DLGAP2: variants seen among roughly 807,000 people sequenced by gnomAD.
DLGAP2 encodes the protein disks large-associated protein 2.
DLGAP2 carries 26 observed loss-of-function variants against 100.3 expected under a neutral mutation model. That is an observed-to-expected ratio of 0.26 (90% confidence interval 0.19 to 0.36). The LOEUF (loss-of-function observed/expected upper bound fraction) is 0.36. Ranked by LOEUF, DLGAP2 falls within the 10% of genes least tolerant of loss-of-function variation. The pLI is 1.00. For synonymous variants in DLGAP2, 886 were observed against 630.1 expected (o/e 1.41, Z -6.08); for missense variants, 1,858 against 1,453.2 (o/e 1.28, Z -4.53).
chr8:1,570,640 G>C (rs947760907), intron 6 of DLGAP2, among the ~76,000 whole-genome samples: 1 of 152,142 alleles, frequency 6.6e-6, no homozygotes, highest in East Asian at 1.9e-4. Context: ...GAGGAGAGAA[G>C]GATGAAGAGA....
chr8:1,085,950 C>G (rs1803961169), intron 2 of DLGAP2, among the ~76,000 whole-genome samples: 1 of 152,100 alleles, frequency 6.6e-6, no homozygotes, highest in African/African-American at 2.4e-5. Flanking sequence ...TTAAAGTTTT[C>G]TAGTTTTTAG....
At chr8:1,042,517 G>A (rs1183942409) in intron 2 of DLGAP2, among the ~76,000 whole-genome samples, 2 of 152,226 alleles carry the variant, frequency 1.3e-5, no homozygotes, top group African/African-American at 4.8e-5. Context: ...GGAAAATGGT[G>A]GTGAGAAGAG....
intron 4 of DLGAP2, among the ~76,000 whole-genome samples, chr8:1,515,807 T>C (rs937725469): frequency 1.3e-5 from 2 of 152,216 alleles, no homozygotes; most frequent in African/African-American, 4.8e-5. Context: ...GCCCCTCCAG[T>C]CTGTTCCCTG....
chr8:900,242 G>T (rs1242386802), intron 1 of DLGAP2, among the ~76,000 whole-genome samples: 2 of 150,334 alleles, frequency 1.3e-5, no homozygotes, highest in South Asian at 2.1e-4. Flanking sequence ...GCTCTTCAGG[G>T]CATTGCTCCC....
At chr8:998,228 G>A (rs967909010) in intron 2 of DLGAP2, among the ~76,000 whole-genome samples, 3 of 152,150 alleles carry the variant, frequency 2.0e-5, no homozygotes, top group South Asian at 2.1e-4. Flanking sequence ...ATGCACACAC[G>A]GGTTGGCACT....
intron 3 of DLGAP2, among the ~76,000 whole-genome samples, chr8:1,444,214 G>C (rs927956746): frequency 1.3e-5 from 2 of 152,146 alleles, no homozygotes; most frequent in African/African-American, 4.8e-5. Flanking sequence ...GCCTCCCACA[G>C]CTCTGGGATT....
intron 4 of DLGAP2, among the ~76,000 whole-genome samples, chr8:1,546,006 A>G (rs1801522756): frequency 6.6e-6 from 1 of 152,254 alleles, no homozygotes; most frequent in Non-Finnish European, 1.5e-5. Context: ...ATGCAGCTGT[A>G]AAGTCTGGAT....
At chr8:995,716 T>G (rs538955768) in intron 2 of DLGAP2, among the ~76,000 whole-genome samples, 2 of 152,340 alleles carry the variant, frequency 1.3e-5, no homozygotes, top group East Asian at 1.9e-4. Context: ...AGCAACTGTT[T>G]CAGTTAGAAA....
At chr8:1,355,798 C>G (rs1296009395) in intron 3 of DLGAP2, among the ~76,000 whole-genome samples, 1 of 152,158 alleles carries the variant, frequency 6.6e-6, no homozygotes, top group Non-Finnish European at 1.5e-5. Flanking sequence ...CCTCCCACAA[C>G]CCCCACCCCA....
intron 10 of DLGAP2, among the ~76,000 whole-genome samples, chr8:1,672,326 A>G (rs1440243659): frequency 6.7e-6 from 1 of 149,940 alleles, no homozygotes; most frequent in Non-Finnish European, 1.5e-5. Flanking sequence ...CCACCTCCTG[A>G]GTTCAAATGA....
chr8:839,522 T>C (rs960775500), intron 1 of DLGAP2, among the ~76,000 whole-genome samples: 3 of 152,142 alleles, frequency 2.0e-5, no homozygotes, highest in South Asian at 2.1e-4. Context: ...ATCTAAAACA[T>C]TGAGCTCACA....
At chr8:906,624 G>A (rs1246348452) in intron 1 of DLGAP2, among the ~76,000 whole-genome samples, 1 of 152,152 alleles carries the variant, frequency 6.6e-6, no homozygotes, top group Non-Finnish European at 1.5e-5. Context: ...GGCTCAGACT[G>A]CACTGATGAA....
At chr8:1,127,192 G>T (rs1414477624) in intron 2 of DLGAP2, among the ~76,000 whole-genome samples, 1 of 151,076 alleles carries the variant, frequency 6.6e-6, no homozygotes, top group Non-Finnish European at 1.5e-5. Context: ...CCTTCTGCTT[G>T]TGTTCCTGGA....
At chr8:1,163,194 G>C (rs1425108896) in intron 2 of DLGAP2, among the ~76,000 whole-genome samples, 1 of 152,208 alleles carries the variant, frequency 6.6e-6, no homozygotes, top group Admixed American at 6.5e-5. Flanking sequence ...GGCCACTGAC[G>C]TGTCTGTGCC....
At chr8:1,227,822 A>G (rs969842990) in intron 2 of DLGAP2, among the ~76,000 whole-genome samples, 1 of 152,216 alleles carries the variant, frequency 6.6e-6, no homozygotes, top group African/African-American at 2.4e-5. Flanking sequence ...CTGGAGATCT[A>G]TCATACAACA....
intron 3 of DLGAP2, chr8:1,302,165 T>C (rs1409636646): frequency 6.6e-6 from 1 of 152,060 alleles, no homozygotes; most frequent in African/African-American, 2.4e-5. Flanking sequence ...TTCTGTGAGT[T>C]CCCGAGCTCT....
chr8:1,501,246 A>C (rs1317997299), intron 3 of DLGAP2, 120 bp from the exon 4 acceptor site: 1 of 1,074,186 alleles, frequency 9.3e-7, no homozygotes, highest in African/African-American at 1.6e-5. Context: ...GTTTGAAGAA[A>C]TACAAAGGTG....
At chr8:1,440,672 T>G (rs1480947541) in intron 3 of DLGAP2, among the ~76,000 whole-genome samples, 1 of 152,228 alleles carries the variant, frequency 6.6e-6, no homozygotes, top group Non-Finnish European at 1.5e-5. Context: ...GCGTGGATTG[T>G]CGGGTGAGCC....
At chr8:1,202,895 G>T (rs962098067) in intron 2 of DLGAP2, among the ~76,000 whole-genome samples, 1 of 152,192 alleles carries the variant, frequency 6.6e-6, no homozygotes, top group Non-Finnish European at 1.5e-5. Flanking sequence ...GACCAGCCAC[G>T]CCTCTTCAAG....
Sources: allele counts gnomAD v4.1 joint callset (sites outside exome capture counted in the v4.1 genomes callset), GRCh38; gene constraint gnomAD v4.1.1; transcripts MANE v1.5; gene names NCBI Gene and HGNC (gene_info 2026-07-23, HGNC 2026-07-21).